The following R3HCC1 variants were observed in gnomAD, a reference collection of about 807,000 sequenced individuals.
R3HCC1 encodes R3H and coiled-coil domain-containing protein 1.
Under a neutral mutation model 40.0 loss-of-function variants are expected in R3HCC1, and 32 were observed. The observed-to-expected ratio is 0.80, with a 90% CI of 0.60 to 1.07. The LOEUF (loss-of-function observed/expected upper bound fraction) is 1.07. Among genes scored for constraint, R3HCC1 ranks in the 50% least tolerant of loss-of-function variants. The pLI, the probability that R3HCC1 is intolerant of heterozygous loss-of-function variation, is 0.00. For synonymous variants in R3HCC1, 237 were observed against 232.8 expected (o/e 1.02, Z -0.17); for missense variants, 586 against 563.3 (o/e 1.04, Z -0.41).
At chr8:23,288,759 C>G in intron 2 of R3HCC1, 126 bp downstream of exon 2, 2 of 1,184,134 alleles carry the variant, frequency 1.7e-6, no homozygotes, top group Non-Finnish European at 2.3e-6. Context: ...GTCTTTATAA[C>G]GCCAGCTGCC....
At position 23,294,764 on chromosome 8, in the gene R3HCC1, C is replaced by T. The variant is rs142869844; in HGVS notation, c.1097-5C>T. 1.9e-4 allele frequency: 302 copies of T among 1,550,704 alleles called. No homozygotes were observed. The highest frequency in any genetic ancestry group is 7.3e-4 in the South Asian group (61 of 84,032). ...AGTGGCTCCACGCCTGCTTTCTTTC[C>T]ACAGCTGCGGAAGCCCTGACCCGGG... On this transcript the variant is annotated splice_polypyrimidine_tract_variant and splice_region_variant and intron_variant, in intron 6 of 7. Transcript: ENST00000265806.
chr8:23,292,797 C>G (rs899741168), intron 5 of R3HCC1, among the ~76,000 whole-genome samples: 10 of 152,196 alleles, frequency 6.6e-5, no homozygotes, highest in Admixed American at 2.6e-4. Context: ...GCCGCTGTGC[C>G]TTTCTCTGCC....
intron 7 of R3HCC1, chr8:23,295,352 G>C (rs1205317068): frequency 2.5e-6 from 1 of 407,354 alleles, no homozygotes; most frequent in Non-Finnish European, 4.8e-6. Flanking sequence ...AGACTCTTCA[G>C]TCTGAAGGAT....
intron 6 of R3HCC1, among the ~76,000 whole-genome samples, chr8:23,294,229 GGGTT>G (rs1055344065): frequency 6.6e-6 from 1 of 152,156 alleles, no homozygotes; most frequent in African/African-American, 2.4e-5. Flanking sequence ...GCTGTGGCTG[GGGTT>G]GGCCATGGCG....
chr8:23,294,045 G>A (rs1004228484), intron 6 of R3HCC1, among the ~76,000 whole-genome samples: 2 of 152,136 alleles, frequency 1.3e-5, no homozygotes, highest in Non-Finnish European at 2.9e-5. Context: ...GAAAACCCGA[G>A]CTGGGGCCTG....
intron 2 of R3HCC1, among the ~76,000 whole-genome samples, 180 bp downstream of exon 2, chr8:23,288,813 T>C (rs1802795418): frequency 6.6e-6 from 1 of 152,128 alleles, no homozygotes; most frequent in South Asian, 2.1e-4. Flanking sequence ...ACCCCCAGAC[T>C]GATGGGGCCC....
chr8:23,292,302 C>T (rs926072279), intron 5 of R3HCC1, among the ~76,000 whole-genome samples: 21 of 152,088 alleles, frequency 1.4e-4, no homozygotes, highest in Non-Finnish European at 3.1e-4. Flanking sequence ...TCTGCCTAGG[C>T]TTTTAGAAAC....
intron 7 of R3HCC1, chr8:23,295,764 G>C (rs1026738236): frequency 5.8e-6 from 4 of 689,734 alleles, no homozygotes; most frequent in Middle Eastern, 4.0e-4. Flanking sequence ...GACAAGTTTG[G>C]GTCAGCATCC....
In R3HCC1 at chr8:23,288,634, G is replaced by GT; in HGVS notation, c.110+2dup. On this transcript the variant is annotated splice_donor_variant, in intron 2 of 7. Coordinates refer to ENST00000265806, the MANE Select transcript of R3HCC1 (RefSeq NM_001136108.3). LOFTEE classifies it high-confidence loss of function. ...TTCTGCTGCAGAAGCAGCTGTCAAA[G>GT]TAGGCTCATGTGAGGGGCGAGGGTG... 6.5e-7 allele frequency: 1 copy of GT among 1,535,954 alleles called. No homozygotes were observed. The highest frequency in any genetic ancestry group is 2.0e-5 in the Admixed American group (1 of 51,010).
At chr8:23,289,527 C>T (rs946831271) in intron 3 of R3HCC1, among the ~76,000 whole-genome samples, 1 of 152,158 alleles carries the variant, frequency 6.6e-6, no homozygotes, top group East Asian at 1.9e-4. Flanking sequence ...CAGTGAGCAT[C>T]TTACTTTAAT....
Position 23,291,385 on chromosome 8 carries a change from G to C in R3HCC1, c.877G>C (p.Glu293Gln). The change falls in exon 5 of 8, where the codon GAG (glutamate) becomes CAG (glutamine). Residue 293 changes from glutamate (E) to glutamine (Q), a missense_variant. Transcript: ENST00000265806. ...GATCACAGACAACCTGACGAAGAAG[G>C]AGATTCAGATAGAGAAGATCCATTT... The C allele has an allele frequency of 6.4e-7, 1 of 1,551,848 alleles. No individual in the cohort carries two copies. Among genetic ancestry groups the C allele is most frequent in the East Asian group, 2.4e-5 (1 of 40,914 alleles).
chr8:23,295,785 C>T (rs1401103545), intron 7 of R3HCC1, among the ~76,000 whole-genome samples, 182 bp from the exon 8 acceptor site: 1 of 152,216 alleles, frequency 6.6e-6, no homozygotes, highest in African/African-American at 2.4e-5. Context: ...CCTGGGGGGC[C>T]AGGATCCCTA....
intron 2 of R3HCC1, 43 bp downstream of exon 2, chr8:23,288,676 G>GGCCT (rs1190193550): frequency 6.5e-6 from 10 of 1,529,228 alleles, no homozygotes; most frequent in Non-Finnish European, 7.9e-6. Context: ...TGCTGGGAAG[G>GGCCT]GCAGGGTTCC....
rs897902825 is a variant in R3HCC1, at chr8:23,291,405, C to T, written c.897C>T (p.Ile299=). The stretch of plus-strand genomic sequence containing the variant: ...AGAAGGAGATTCAGATAGAGAAGAT[C>T]CATTTGGACACATCCTCCTTCGTGG... The change falls in exon 5 of 8, where the codon ATC becomes ATT. Residue 299 remains isoleucine (I), a synonymous_variant. Transcript: ENST00000265806. The T allele has an allele frequency of 5.8e-6, 9 of 1,551,582 alleles. No homozygotes were observed. In the African/African-American group the frequency reaches 1.2e-4, roughly 21 times the overall value.
In R3HCC1 at chr8:23,289,932, C is replaced by T. The variant is rs891374704; in HGVS notation, c.315C>T (p.His105=). Residue 105 remains histidine (H), a synonymous_variant, in exon 4 of 8, where the codon CAC becomes CAT. Coordinates refer to ENST00000265806, the MANE Select transcript of R3HCC1 (RefSeq NM_001136108.3). ...CTGCCTCCTGCCCCAGCAGGTACCA[C>T]GGTCCTCGGCCCATCTCCAACCAAG... The T allele has an allele frequency of 7.2e-6, 11 of 1,535,786 alleles. No individual in the cohort carries two copies. The highest frequency in any genetic ancestry group is 1.2e-5 in the South Asian group (1 of 84,004).
Position 23,290,051 on chromosome 8 carries a change from G to A in R3HCC1, c.434G>A (p.Arg145Lys), listed in dbSNP as rs3808536. The A allele has an allele frequency of 0.56, 859,020 of 1,546,262 alleles. 242,207 individuals are homozygous for A. Among genetic ancestry groups the A allele is most frequent in the East Asian group, 0.79 (32,193 of 40,916 alleles). ...TTGTATGTGCCCCGGGTGCTGCGCA[G>A]GCAGGAAGAATGGGGGCTGACCTCT... is the stretch of plus-strand genomic sequence containing the variant. The change falls in exon 4 of 8, where the codon AGG becomes AAG. Residue 145 changes from arginine (R) to lysine (K), a missense_variant. Coordinates refer to ENST00000265806, the MANE Select transcript of R3HCC1 (RefSeq NM_001136108.3).
chr8:23,290,773 T>G lies in R3HCC1; in HGVS notation c.852+304T>G, dbSNP rs138286761. On this transcript the variant is annotated intron_variant, in intron 4 of 7. Coordinates refer to ENST00000265806, the MANE Select transcript of R3HCC1 (RefSeq NM_001136108.3). Reference sequence around the variant, plus strand: ...CCTTCACTAGGTCATGGAGATGGACTCTGTGTGCAAGTACATCGTCTTGTG... The same window carrying G: ...CCTTCACTAGGTCATGGAGATGGACGCTGTGTGCAAGTACATCGTCTTGTG... Among the ~76,000 whole-genome samples the G allele has an allele frequency of 2.0e-5, 3 of 152,314 alleles. No individual in the cohort carries two copies. In the East Asian group the frequency reaches 5.8e-4, roughly 29 times the overall value.
chr8:23,289,920 C>T lies in R3HCC1; in HGVS notation c.303C>T (p.Pro101=), dbSNP rs1460830517. The T allele has an allele frequency of 6.5e-7, 1 of 1,535,460 alleles. No individual in the cohort carries two copies. The highest frequency in any genetic ancestry group is 2.4e-5 in the East Asian group (1 of 40,922). ...CCTGCCGCGCTCCTGCCTCCTGCCCCAGCAGGTACCACGGTCCTCGGCCCA... is the reference window on the plus strand; with the variant it reads ...CCTGCCGCGCTCCTGCCTCCTGCCCTAGCAGGTACCACGGTCCTCGGCCCA... The change falls in exon 4 of 8, where the codon CCC becomes CCT. Residue 101 remains proline, a synonymous_variant. Transcript: ENST00000265806.
chr8:23,295,492 C>G (rs768036049), intron 7 of R3HCC1: 6 of 458,026 alleles, frequency 1.3e-5, no homozygotes, highest in Non-Finnish European at 2.2e-5. Context: ...CACGAGTTTT[C>G]CATGACTTCA....
Sources: gnomAD v4.1 joint callset for allele counts (sites outside exome capture counted in the v4.1 genomes callset) on GRCh38, gnomAD v4.1.1 for gene constraint, MANE v1.5 for transcripts, NCBI Gene and HGNC (gene_info 2026-07-23, HGNC 2026-07-21) for gene names.